GNL3L: variants seen among roughly 807,000 people sequenced by gnomAD.
GNL3L encodes the protein guanine nucleotide-binding protein-like 3-like protein.
GNL3L carries 4 observed loss-of-function variants against 42.9 expected under a neutral mutation model. The observed-to-expected ratio is 0.09, with a 90% confidence interval of 0.05 to 0.21. The LOEUF (loss-of-function observed/expected upper bound fraction) is 0.21, where lower values mean the gene tolerates loss of function less well. Ranked by LOEUF, GNL3L falls within the 10% of genes least tolerant of loss-of-function variation. GNL3L has a pLI of 1.00. For synonymous variants in GNL3L, 159 were observed against 176.3 expected (o/e 0.90, Z 0.78); for missense variants, 412 against 481.7 (o/e 0.86, Z 1.36).
chrX:54,620,715 C>A (rs962186720), intron 16 of GNL3L, among the ~76,000 whole-genome samples: 1 of 111,914 alleles, frequency 8.9e-6, no homozygotes, highest in Non-Finnish European at 1.9e-5. Context: ...AACTTCCAAA[C>A]TGTTATCCAT....
chrX:54,608,274 A>G (rs1926122251), intron 16 of GNL3L, among the ~76,000 whole-genome samples: 1 of 111,874 alleles, frequency 8.9e-6, no homozygotes, highest in South Asian at 3.7e-4. Context: ...TTGCTTTTAT[A>G]TATGACACTT....
intron 16 of GNL3L, among the ~76,000 whole-genome samples, chrX:54,594,427 C>T: frequency 9.1e-6 from 1 of 110,463 alleles, no homozygotes; most frequent in Non-Finnish European, 1.9e-5. Flanking sequence ...ATAGCTACTC[C>T]TACTCCTTTT....
At chrX:54,588,966 T>A (rs1000759872) in intron 16 of GNL3L, among the ~76,000 whole-genome samples, 4 of 111,345 alleles carry the variant, frequency 3.6e-5, no homozygotes, top group Admixed American at 9.5e-5. Flanking sequence ...GTTGTTTAGT[T>A]TCCAAGTGTT....
chrX:54,569,146 G>A (rs12396268), downstream of GNL3L, among the ~76,000 whole-genome samples: 16,698 of 111,401 alleles, frequency 0.15, 1,999 homozygotes, highest in African/African-American at 0.4. Flanking sequence ...ATTTTTGCTT[G>A]GAATTTTTGC....
chrX:54,580,034 C>T (rs1187963240), intron 16 of GNL3L, among the ~76,000 whole-genome samples: 13 of 83,778 alleles, frequency 1.6e-4, no homozygotes, highest in African/African-American at 5.4e-4. Context: ...TTTTAGGGTA[C>T]GTGTGCACAA....
rs866844540 is a variant in GNL3L, at chrX:54,607,018, T to C, written c.*46-13827T>C. Among the ~76,000 whole-genome samples, 111 of 52,625 alleles carry C rather than the reference T, an allele frequency of 2.1e-3. 2 individuals carry two copies. Among genetic ancestry groups the C allele is most frequent in the African/African-American group, 0.017 (101 of 5,806 alleles). The allele number at this position is 52,625 out of a possible 115,157, so 45.7% of individuals were successfully genotyped here. A position where few individuals can be genotyped will look rare whatever the true frequency, so the allele number is the denominator to read the frequency against. ...TTCCTTTCTTTCTTTCTTTCTTTCT[T>C]TCTTTCTTTCTTTCTTTCTTTCTTT... On this transcript the variant is annotated intron_variant, in intron 16 of 16. Coordinates refer to the GNL3L transcript ENST00000674498.
chrX:54,559,422 A>G (rs1016137312), intron 15 of GNL3L, among the ~76,000 whole-genome samples: 2 of 111,989 alleles, frequency 1.8e-5, no homozygotes, highest in African/African-American at 6.5e-5. Context: ...CTCGTCAGCC[A>G]GTTAGTTTAT....
At chrX:54,614,245 C>T (rs1262532440) in intron 16 of GNL3L, among the ~76,000 whole-genome samples, 1 of 111,130 alleles carries the variant, frequency 9.0e-6, no homozygotes, top group African/African-American at 3.3e-5. Flanking sequence ...TCCCAGCAAA[C>T]GAAGGGCCTG....
At chrX:54,593,969 ATAT>A (rs1925899953) in intron 16 of GNL3L, among the ~76,000 whole-genome samples, 1 of 111,566 alleles carries the variant, frequency 9.0e-6, no homozygotes, top group African/African-American at 3.3e-5. Flanking sequence ...AAGATGCTTG[ATAT>A]TATTTCAACT....
rs745584109 is a variant in GNL3L, at chrX:54,562,425, A to G, written c.*1823A>G. 4.5e-5 allele frequency among the ~76,000 whole-genome samples: 5 copies of G among 111,429 alleles called. No homozygotes were observed. The highest frequency in any genetic ancestry group is 7.5e-5 in the Non-Finnish European group (4 of 53,102). ...TAATTTACATCCTAAGAGTGGAACC[A>G]TGTGACAAGGACTGGAGTGCCATTG... On this transcript the variant is annotated 3_prime_UTR_variant, in exon 16 of 16. Transcript: ENST00000360845.
intron 16 of GNL3L, among the ~76,000 whole-genome samples, chrX:54,597,579 C>A (rs1925946828): frequency 9.0e-6 from 1 of 111,096 alleles, no homozygotes; most frequent in East Asian, 2.8e-4. Flanking sequence ...GCCCCCCCGC[C>A]CCAATCCCGT....
the GNL3L span, among the ~76,000 whole-genome samples, chrX:54,628,212 GGTGTGTGTGTGTGTGTGTGT>G: frequency 1.0e-5 from 1 of 95,790 alleles, no homozygotes; most frequent in South Asian, 4.9e-4. Context: ...AGTATTCCGT[GGTGTGTGTGTGTGTGTGTGT>G]GTGTGTGTGT....
At chrX:54,573,511 A>G (rs778839598) in intron 16 of GNL3L, among the ~76,000 whole-genome samples, 21 of 102,851 alleles carry the variant, frequency 2.0e-4, no homozygotes, top group African/African-American at 8.3e-4. Flanking sequence ...GAGGGAGACC[A>G]TGGGGAGAGG....
chrX:54,639,945 T>G, the GNL3L span, among the ~76,000 whole-genome samples: 1 of 108,994 alleles, frequency 9.2e-6, no homozygotes, highest in Non-Finnish European at 1.9e-5. Flanking sequence ...TCTTGGACTC[T>G]CTCGGAGAAC....
At position 54,606,982 on chromosome X, in the gene GNL3L, T is replaced by C. The variant is rs4826601; in HGVS notation, c.*46-13863T>C. Among the ~76,000 whole-genome samples the C allele has an allele frequency of 4.5e-3, 353 of 78,975 alleles. 8 individuals are homozygous for C. The highest frequency in any genetic ancestry group is 0.042 in the Admixed American group (324 of 7,674). 68.6% of individuals were successfully genotyped at this position (78,975 alleles called of 115,157 possible). A position where few individuals can be genotyped will look rare whatever the true frequency, so the allele number is the denominator to read the frequency against. ...TCTGAGTGATGAAGATTTTTCTTTC[T>C]TTCCTTTCCTTTCCTTTCTTTCTTT... On this transcript the variant is annotated intron_variant, in intron 16 of 16. Coordinates refer to the GNL3L transcript ENST00000674498.
Position 54,563,493 on chromosome X carries a change from G to A in GNL3L, c.*2891G>A, listed in dbSNP as rs958329423. 1.8e-4 allele frequency among the ~76,000 whole-genome samples: 20 copies of A among 111,565 alleles called. No homozygotes were observed. Among genetic ancestry groups the A allele is most frequent in the Non-Finnish European group, 3.4e-4 (18 of 53,131 alleles). On this transcript the variant is annotated 3_prime_UTR_variant, in exon 16 of 16. Transcript: ENST00000360845. ...AAAGTAGTCATGTCGGTAAGAATTT[G>A]GGACTGCAGGCCAGTTACGATAGCT...
rs776161371 is a variant in GNL3L, at chrX:54,541,274, T to G, written c.191T>G (p.Val64Gly). 17 of 1,185,616 alleles carry G rather than the reference T, an allele frequency of 1.4e-5. No individual in the cohort carries two copies. Among genetic ancestry groups the G allele is most frequent in the Non-Finnish European group, 1.9e-5 (17 of 872,689 alleles). The part of the protein sequence containing the change: ...NREAELKKKW[V>G]EEMREKQQAA... The stretch of plus-strand genomic sequence containing the variant: ...TACCAGTGTGTGTTCACTTGTTAGG[T>G]TGAGGAGATGAGGGAGAAGCAGCAA... Residue 64 changes from valine (V) to glycine (G), a missense_variant and splice_region_variant, in exon 5 of 16, where the codon GTT becomes GGT. Physicochemically the swap from Val to Gly is moderately radical, Grantham distance 109 (BLOSUM62 -3). Coordinates refer to ENST00000360845, the MANE Select transcript of GNL3L (RefSeq NM_001184819.2).
At chrX:54,538,083 C>T (rs1195446368) in intron 2 of GNL3L, among the ~76,000 whole-genome samples, 2 of 110,770 alleles carry the variant, frequency 1.8e-5, no homozygotes, top group Non-Finnish European at 3.8e-5. Flanking sequence ...TATACGAATA[C>T]GGGAGGCTGA....
chrX:54,642,294 A>T, the GNL3L span, among the ~76,000 whole-genome samples: 1 of 111,605 alleles, frequency 9.0e-6, no homozygotes. Context: ...TCTTTTTTTT[A>T]AAAGCATTAA....
Sources: allele counts gnomAD v4.1 joint callset (sites outside exome capture counted in the v4.1 genomes callset), GRCh38; gene constraint gnomAD v4.1.1; transcripts MANE v1.5; gene names NCBI Gene and HGNC (gene_info 2026-07-23, HGNC 2026-07-21).